The following MAP7 variants were observed in gnomAD, a reference collection of about 807,000 sequenced individuals.
The protein encoded by MAP7 is microtubule associated protein 7, also known as ensconsin.
A neutral mutation model predicts 94.8 loss-of-function variants in MAP7; 52 were observed. That is an observed-to-expected ratio of 0.55 (90% CI 0.44 to 0.69). The LOEUF (loss-of-function observed/expected upper bound fraction) is 0.69. MAP7 is among the 30% of genes least tolerant of loss of function. The probability of loss-of-function intolerance (pLI) is 0.00; values close to 1 mark genes in which losing one functional copy is unlikely to be tolerated. For synonymous variants in MAP7, 350 were observed against 357.0 expected (o/e 0.98, Z 0.22); for missense variants, 940 against 964.6 (o/e 0.97, Z 0.34).
At chr6:136,393,592 G>A (rs1781409696) in intron 3 of MAP7, among the ~76,000 whole-genome samples, 1 of 152,088 alleles carries the variant, frequency 6.6e-6, no homozygotes, top group Admixed American at 6.6e-5. Context: ...CTGATCTTGT[G>A]ACATCAACCA....
chr6:136,499,235 C>T (rs1023586085), intron 1 of MAP7, among the ~76,000 whole-genome samples: 5 of 152,066 alleles, frequency 3.3e-5, no homozygotes, highest in African/African-American at 1.2e-4. Context: ...TTTCTTAGCT[C>T]TGGCCTCCTC....
chr6:136,456,776 A>G lies in MAP7; in HGVS notation c.68-34977T>C, dbSNP rs868215091. Among the ~76,000 whole-genome samples, 233 of 67,476 alleles carry G rather than the reference A, an allele frequency of 3.5e-3. 1 individual carries two copies. Among genetic ancestry groups the G allele is most frequent in the East Asian group, 0.015 (46 of 2,970 alleles). The allele number at this position is 67,476 out of a possible 152,430, so 44.3% of individuals were successfully genotyped here. A position where few individuals can be genotyped will look rare whatever the true frequency, so the allele number is the denominator to read the frequency against. ...AGGAGGAGGAGGAGGAGGAAGAAGA[A>G]GAAGAAGAAGAAGAAGAAGAAGAAG... On this transcript the variant is annotated intron_variant, in intron 1 of 17. Transcript: ENST00000354570.
In MAP7 at chr6:136,481,538, T is replaced by C. The variant is rs143812416; in HGVS notation, c.68-59739A>G. Reference sequence around the variant, plus strand: ...AAAAGACAGACTTTGTGTGTTCTCATTTGTGGAAGCTAAACATTAAAACAA... The same window carrying C: ...AAAAGACAGACTTTGTGTGTTCTCACTTGTGGAAGCTAAACATTAAAACAA... On this transcript the variant is annotated intron_variant, in intron 1 of 17. Coordinates refer to ENST00000354570, the MANE Select transcript of MAP7 (RefSeq NM_003980.6). 2.6e-5 allele frequency among the ~76,000 whole-genome samples: 4 copies of C among 152,176 alleles called. No individual in the cohort carries two copies. The East Asian group carries it at 5.8e-4, about 22-fold the overall frequency.
chr6:136,386,596 T>C (rs1194580195), intron 5 of MAP7, among the ~76,000 whole-genome samples: 1 of 152,146 alleles, frequency 6.6e-6, no homozygotes, highest in Non-Finnish European at 1.5e-5. Flanking sequence ...TAAAAATATA[T>C]ACCCTGCCAG....
chr6:136,530,151 TCTA>T (rs1828363005), intron 1 of MAP7, among the ~76,000 whole-genome samples: 1 of 152,134 alleles, frequency 6.6e-6, no homozygotes, highest in Non-Finnish European at 1.5e-5. Flanking sequence ...AATTTCCCTT[TCTA>T]AAAGCCCAGT....
At chr6:136,526,274 C>CGT in intron 1 of MAP7, 1 of 1,080,120 alleles carries the variant, frequency 9.3e-7, no homozygotes, top group South Asian at 2.9e-5. Flanking sequence ...CGTACACGCG[C>CGT]GCGCACACAC....
intron 5 of MAP7, among the ~76,000 whole-genome samples, chr6:136,384,391 C>T (rs752462990): frequency 6.6e-6 from 1 of 152,150 alleles, no homozygotes; most frequent in African/African-American, 2.4e-5. Context: ...CTAAGAGCCA[C>T]AGCTCTGTGC....
intron 7 of MAP7, among the ~76,000 whole-genome samples, chr6:136,372,970 A>C (rs1775019031): frequency 6.6e-6 from 1 of 152,174 alleles, no homozygotes; most frequent in Non-Finnish European, 1.5e-5. Context: ...CTATTAGCTG[A>C]TGGTTCTGGA....
rs35449742 is a variant in MAP7, at chr6:136,462,169, T to TAA, written c.68-40372_68-40371dup. ...GGGCAGCATAGTAAGACCCTTCTCT[T>TAA]AAAAAAAAAAAAAAAAAGATGGTAT... On this transcript the variant is annotated intron_variant, in intron 1 of 17. Transcript: ENST00000354570. Among the ~76,000 whole-genome samples, 945 of 137,278 alleles carry TAA rather than the reference T, an allele frequency of 6.9e-3. 6 individuals are homozygous for TAA. The highest frequency in any genetic ancestry group is 0.016 in the South Asian group (67 of 4,140). The allele number at this position is 137,278 out of a possible 152,430, so 90.1% of individuals were successfully genotyped here.
chr6:136,377,889 A>G (rs571749792), intron 6 of MAP7, 21 bp from the exon 7 acceptor site: 3 of 1,522,900 alleles, frequency 2.0e-6, no homozygotes, highest in Middle Eastern at 3.5e-4. Context: ...CCACATAAGC[A>G]AGATGTTAGA....
chr6:136,545,759 T>G (rs1163070623), intron 1 of MAP7, among the ~76,000 whole-genome samples: 4 of 89,478 alleles, frequency 4.5e-5, no homozygotes, highest in African/African-American at 1.3e-4. Flanking sequence ...TTAAAACAAA[T>G]TTAATTTTTT....
rs141341917 is a variant in MAP7 at position 136,530,131 on chromosome 6, A to T, written c.67+20211T>A. Among the ~76,000 whole-genome samples, 9 of 152,312 alleles carry T rather than the reference A, an allele frequency of 5.9e-5. No homozygotes were observed. The East Asian group carries it at 1.7e-3, about 29-fold the overall frequency. The stretch of plus-strand genomic sequence containing the variant: ...AAGAAATCTGCTTAACCAGTGAGAA[A>T]CATACCTAAAATTTCCCTTTCTAAA... On this transcript the variant is annotated intron_variant, in intron 1 of 17. Transcript: ENST00000354570.
In MAP7 at chr6:136,361,069, A is replaced by AGCT. The variant is rs1278888354; in HGVS notation, c.1634_1636dup (p.Gln545dup). On this transcript the variant is annotated inframe_insertion, in exon 12 of 18. Transcript: ENST00000354570. ...CGCCCGCTCCTCCGCCTGCCGCTGCAGCTGCTCCTCCTTCTCCCGGGCCTG... is the reference window on the plus strand; with the variant it reads ...CGCCCGCTCCTCCGCCTGCCGCTGCAGCTGCTGCTCCTCCTTCTCCCGGGCCTG... 1 of 1,601,076 alleles carries AGCT rather than the reference A, an allele frequency of 6.2e-7. No individual in the cohort carries two copies. The highest frequency in any genetic ancestry group is 1.3e-5 in the African/African-American group (1 of 75,020).
At chr6:136,356,580 A>G (rs1791009817) in intron 16 of MAP7, 112 bp downstream of exon 16, 1 of 784,268 alleles carries the variant, frequency 1.3e-6, no homozygotes, top group Non-Finnish European at 2.1e-6. Flanking sequence ...ACCAAAAATC[A>G]ATGAGGCCCC....
chr6:136,500,051 G>A (rs565636504), intron 1 of MAP7, among the ~76,000 whole-genome samples: 152 of 151,150 alleles, frequency 1.0e-3, no homozygotes, highest in Non-Finnish European at 1.8e-3. Flanking sequence ...AGACAGACCT[G>A]TATTCTAGTT....
chr6:136,349,558 GA>G (rs1178228221), intron 16 of MAP7, among the ~76,000 whole-genome samples: 1 of 152,086 alleles, frequency 6.6e-6, no homozygotes, highest in East Asian at 1.9e-4. Flanking sequence ...ATTTTTTGTA[GA>G]GACGGGATCT....
At chr6:136,458,404 T>C (rs1468720201) in intron 1 of MAP7, among the ~76,000 whole-genome samples, 1 of 152,148 alleles carries the variant, frequency 6.6e-6, no homozygotes, top group South Asian at 2.1e-4. Flanking sequence ...AATGGCATTT[T>C]TTACAGAAAT....
In MAP7 at chr6:136,342,807, C is replaced by T. The variant is rs1221157609; in HGVS notation, c.*1421G>A. On this transcript the variant is annotated 3_prime_UTR_variant, in exon 18 of 18. Coordinates refer to ENST00000354570, the MANE Select transcript of MAP7 (RefSeq NM_003980.6). ...AAACAAATTAAACAAGTTTGTTGAA[C>T]AGATTTCTTTTCTAATATAATGACT... is the stretch of plus-strand genomic sequence containing the variant. 2 of 152,146 alleles carry T rather than the reference C, an allele frequency of 1.3e-5. No homozygotes were observed. The highest frequency in any genetic ancestry group is 4.2e-4 in the South Asian group (2 of 4,818). The allele number at this position is 152,146 out of a possible 1,614,324, so 9.4% of individuals were successfully genotyped here. A position where few individuals can be genotyped will look rare whatever the true frequency, so the allele number is the denominator to read the frequency against.
intron 1 of MAP7, among the ~76,000 whole-genome samples, chr6:136,516,311 A>C (rs1201044722): frequency 6.6e-6 from 1 of 152,060 alleles, no homozygotes; most frequent in East Asian, 1.9e-4. Context: ...ACAGGTGCAC[A>C]CCACCACACC....
Sources: allele counts gnomAD v4.1 joint callset (sites outside exome capture counted in the v4.1 genomes callset), GRCh38; gene constraint gnomAD v4.1.1; transcripts MANE v1.5; gene names NCBI Gene and HGNC (gene_info 2026-07-23, HGNC 2026-07-21).